The following SCNN1B variants were observed in gnomAD, a reference collection of about 807,000 sequenced individuals.
The protein encoded by SCNN1B is sodium channel epithelial 1 subunit beta.
A neutral mutation model predicts 65.3 loss-of-function variants in SCNN1B; 46 were observed. That is an observed-to-expected ratio of 0.70 (90% confidence interval 0.56 to 0.90). SCNN1B has a LOEUF of 0.90. Ranked by LOEUF, SCNN1B falls within the 40% of genes least tolerant of loss-of-function variation. SCNN1B has a pLI of 0.00. For synonymous variants in SCNN1B, 349 were observed against 330.6 expected, an observed-to-expected ratio of 1.06 and a Z score of -0.60; for missense variants, 751 against 830.5, an observed-to-expected ratio of 0.90 and a Z score of 1.18.
intron 2 of SCNN1B, among the ~76,000 whole-genome samples, chr16:23,350,688 G>A (rs902998925): frequency 4.6e-5 from 7 of 152,126 alleles, no homozygotes; most frequent in African/African-American, 1.7e-4. Flanking sequence ...CAAAGCGAGT[G>A]GATTACTTGA....
chr16:23,375,666 C>G, intron 7 of SCNN1B, 72 bp from the exon 8 acceptor site: 1 of 1,082,284 alleles, frequency 9.2e-7, no homozygotes. Context: ...CTCTGGACAC[C>G]CCTGGTGCTG....
chr16:23,322,419 G>A (rs1264591844), intron 1 of SCNN1B, among the ~76,000 whole-genome samples: 1 of 151,962 alleles, frequency 6.6e-6, no homozygotes, highest in Non-Finnish European at 1.5e-5. Context: ...TTCCACCTCA[G>A]CTCCCGAGTA....
chr16:23,367,363 T>A (rs529113353), intron 4 of SCNN1B, among the ~76,000 whole-genome samples: 1 of 152,164 alleles, frequency 6.6e-6, no homozygotes, highest in South Asian at 2.1e-4. Flanking sequence ...AGTGGCACAA[T>A]CATAGCTCAA....
chr16:23,374,573 CA>C (rs1168924579), intron 7 of SCNN1B, among the ~76,000 whole-genome samples: 4,446 of 48,296 alleles, frequency 0.092, 32 homozygotes, highest in Non-Finnish European at 0.098. Context: ...GACTCCATCT[CA>C]AAAAAAAAAA....
chr16:23,317,250 G>C (rs1381021476), intron 1 of SCNN1B, among the ~76,000 whole-genome samples: 1 of 152,208 alleles, frequency 6.6e-6, no homozygotes, highest in Non-Finnish European at 1.5e-5. Flanking sequence ...GCTAATGCCT[G>C]TGAGGCCCTG....
In SCNN1B at chr16:23,336,725, A is replaced by ATAC. The variant is rs1315915132; in HGVS notation, c.-8-11867_-8-11866insTAC. Among the ~76,000 whole-genome samples the ATAC allele has an allele frequency of 9.9e-5, 15 of 152,238 alleles. No individual in the cohort carries two copies. In the East Asian group the frequency reaches 2.9e-3, roughly 29 times the overall value. On this transcript the variant is annotated intron_variant, in intron 1 of 12. Transcript: ENST00000343070. ...GGAACCTTTTTCTGAATAGTTAAGAAAGTATGTTCATGTGTATTAGGAAAA... is the reference window on the plus strand; with the variant it reads ...GGAACCTTTTTCTGAATAGTTAAGAATACAGTATGTTCATGTGTATTAGGAAAA...
chr16:23,367,022 G>A (rs182787593), intron 4 of SCNN1B, among the ~76,000 whole-genome samples: 132 of 152,312 alleles, frequency 8.7e-4, no homozygotes, highest in African/African-American at 3.1e-3. Context: ...TCCTCGGCTT[G>A]TGTCTGAAGG....
chr16:23,355,408 A>T lies in SCNN1B; in HGVS notation c.695A>T (p.Gln232Leu). 6.2e-7 allele frequency: 1 copy of T among 1,614,192 alleles called. No individual in the cohort carries two copies. Among genetic ancestry groups the T allele is most frequent in the South Asian group, 1.1e-5 (1 of 91,078 alleles). The change falls in exon 4 of 13, where the codon CAG (glutamine) becomes CTG (leucine). Residue 232 changes from glutamine (Q) to leucine (L), a missense_variant. Physicochemically the swap from Gln to Leu is moderately radical, Grantham distance 113 (BLOSUM62 -2). Transcript: ENST00000343070. ...ACCAACATCTTTGCACAGGTGCCACAGCAGGAGCTAGTAGAGATGAGCTAC... is the reference window on the plus strand; with the variant it reads ...ACCAACATCTTTGCACAGGTGCCACTGCAGGAGCTAGTAGAGATGAGCTAC... The part of the protein sequence containing the change: ...QATNIFAQVP[Q>L]QELVEMSYPG...
intron 5 of SCNN1B, among the ~76,000 whole-genome samples, chr16:23,370,663 T>C (rs899042752): frequency 3.9e-5 from 6 of 152,202 alleles, no homozygotes; most frequent in African/African-American, 1.4e-4. Context: ...ACCAAGACCC[T>C]GACACCTCGT....
upstream of SCNN1B, among the ~76,000 whole-genome samples, chr16:23,300,164 G>A (rs2141974628): frequency 2.6e-5 from 4 of 152,198 alleles, no homozygotes; most frequent in Middle Eastern, 0.01. Context: ...ACACAGGGAG[G>A]GGAGCATCAC....
intron 1 of SCNN1B, among the ~76,000 whole-genome samples, chr16:23,332,211 T>TA (rs1223299485): frequency 6.6e-6 from 1 of 151,870 alleles, no homozygotes; most frequent in Non-Finnish European, 1.5e-5. Flanking sequence ...TTTTTTCTTT[T>TA]TTGAGATGGA....
chr16:23,355,861 C>T (rs546561411), intron 4 of SCNN1B, among the ~76,000 whole-genome samples: 146 of 151,944 alleles, frequency 9.6e-4, no homozygotes, highest in Admixed American at 3.9e-3. Flanking sequence ...GAGGTGGAGA[C>T]GGGAGGATCG....
intron 1 of SCNN1B, among the ~76,000 whole-genome samples, chr16:23,279,346 C>G (rs1960752557): frequency 6.6e-6 from 1 of 152,122 alleles, no homozygotes; most frequent in Non-Finnish European, 1.5e-5. Flanking sequence ...TCCCAAGCTA[C>G]TGGGATTACA....
intron 1 of SCNN1B, among the ~76,000 whole-genome samples, chr16:23,313,852 T>C (rs1021756118): frequency 6.6e-6 from 1 of 152,196 alleles, no homozygotes; most frequent in South Asian, 2.1e-4. Flanking sequence ...CCTCGTGATC[T>C]GCCCACCTTG....
intron 1 of SCNN1B, among the ~76,000 whole-genome samples, chr16:23,335,379 G>A (rs1348916387): frequency 6.6e-6 from 1 of 152,032 alleles, no homozygotes; most frequent in African/African-American, 2.4e-5. Context: ...CCTCATACTT[G>A]TGGGCTCAAA....
chr16:23,332,964 G>A (rs776731122), intron 1 of SCNN1B, among the ~76,000 whole-genome samples: 30 of 152,120 alleles, frequency 2.0e-4, no homozygotes, highest in East Asian at 5.8e-4. Context: ...CAGCTTACTC[G>A]GGAGGTTGAG....
intron 2 of SCNN1B, among the ~76,000 whole-genome samples, chr16:23,285,064 GA>G (rs1251220392): frequency 6.6e-6 from 1 of 152,130 alleles, no homozygotes; most frequent in Non-Finnish European, 1.5e-5. Flanking sequence ...TCCTGGAACA[GA>G]AAAAACACAT....
chr16:23,376,131 A>G (rs900428421), intron 8 of SCNN1B, among the ~76,000 whole-genome samples: 1 of 152,240 alleles, frequency 6.6e-6, no homozygotes, highest in Non-Finnish European at 1.5e-5. Flanking sequence ...TGTGTGCCAC[A>G]CAAATGCTCA....
chr16:23,327,362 A>G (rs147609284), intron 1 of SCNN1B, among the ~76,000 whole-genome samples: 1,570 of 152,096 alleles, frequency 0.01, 38 homozygotes, highest in African/African-American at 0.035. Flanking sequence ...TGAAACCTCC[A>G]TCTCTACTAA....
Sources: gnomAD v4.1 joint callset for allele counts (sites outside exome capture counted in the v4.1 genomes callset) on GRCh38, gnomAD v4.1.1 for gene constraint, MANE v1.5 for transcripts, NCBI Gene and HGNC (gene_info 2026-07-23, HGNC 2026-07-21) for gene names.